The following NLGN1 variants were observed in gnomAD, a reference collection of about 807,000 sequenced individuals.
NLGN1 encodes neuroligin 1.
In NLGN1, 12 loss-of-function variants were observed where a neutral mutation model predicts 65.5. The observed-to-expected ratio is 0.18, with a 90% CI of 0.12 to 0.30. The LOEUF is 0.30. Among genes scored for constraint, NLGN1 ranks in the 10% least tolerant of loss-of-function variants. NLGN1 has a pLI of 1.00. For missense variants in NLGN1, 750 were observed against 1,007.1 expected, an observed-to-expected ratio of 0.74 and a Z score of 3.46; for synonymous variants, 350 against 359.5, an observed-to-expected ratio of 0.97 and a Z score of 0.30.
At chr3:173,643,462 T>C (rs955624364) in intron 3 of NLGN1, among the ~76,000 whole-genome samples, 6 of 152,236 alleles carry the variant, frequency 3.9e-5, no homozygotes, top group African/African-American at 1.2e-4. Context: ...CAGAAGAAGA[T>C]AATAGCAGCA....
At chr3:174,265,494 G>T (rs1025486078) in intron 4 of NLGN1, among the ~76,000 whole-genome samples, 2 of 151,942 alleles carry the variant, frequency 1.3e-5, no homozygotes, top group Middle Eastern at 3.4e-3. Flanking sequence ...ACTCCCTGAC[G>T]CCTTGCGCTT....
intron 2 of NLGN1, among the ~76,000 whole-genome samples, chr3:173,522,853 T>C (rs1051530220): frequency 6.6e-6 from 1 of 152,148 alleles, no homozygotes. Context: ...CTACAGTTTT[T>C]CATATGGGTT....
intron 4 of NLGN1, among the ~76,000 whole-genome samples, chr3:173,985,748 G>A (rs191356573): frequency 1.3e-4 from 20 of 152,118 alleles, no homozygotes; most frequent in South Asian, 1.0e-3. Flanking sequence ...TCAGGAGTTC[G>A]AGACCAGCCT....
intron 4 of NLGN1, among the ~76,000 whole-genome samples, chr3:174,017,169 A>G (rs1301113067): frequency 6.6e-6 from 1 of 152,140 alleles, no homozygotes; most frequent in East Asian, 1.9e-4. Flanking sequence ...ATGTAGTTAA[A>G]CAGATGAAAA....
chr3:173,848,848 A>C (rs1270383524), intron 4 of NLGN1, among the ~76,000 whole-genome samples: 1 of 152,150 alleles, frequency 6.6e-6, no homozygotes, highest in Non-Finnish European at 1.5e-5. Flanking sequence ...ACTATTACAA[A>C]ATTAAATAGG....
At chr3:173,451,743 T>C (rs777380102) in intron 2 of NLGN1, among the ~76,000 whole-genome samples, 1 of 152,204 alleles carries the variant, frequency 6.6e-6, no homozygotes, top group Non-Finnish European at 1.5e-5. Flanking sequence ...GTTTACCTAC[T>C]CAAGCCTGGG....
At chr3:174,099,972 A>T (rs567469340) in intron 4 of NLGN1, among the ~76,000 whole-genome samples, 30 of 152,218 alleles carry the variant, frequency 2.0e-4, no homozygotes, top group South Asian at 6.2e-4. Context: ...ATCTTTAAAG[A>T]CGTGCCTGAG....
In NLGN1 at chr3:174,136,732, T is replaced by C. The variant is rs147029400; in HGVS notation, c.647-138583T>C. ...ACAATGTTAAAAACAGGTAGCTTTA[T>C]TGCAGCACTTATCAGTACCTTGACT... On this transcript the variant is annotated intron_variant, in intron 4 of 6. Transcript: ENST00000457714. 4.5e-3 allele frequency among the ~76,000 whole-genome samples: 684 copies of C among 152,230 alleles called. 4 individuals carry two copies. The highest frequency in any genetic ancestry group is 0.016 in the African/African-American group (658 of 41,562).
intron 2 of NLGN1, among the ~76,000 whole-genome samples, chr3:173,441,614 T>G (rs1049212521): frequency 1.3e-5 from 2 of 152,168 alleles, no homozygotes; most frequent in African/African-American, 4.8e-5. Context: ...GTCAGTTAAG[T>G]CTGCCATCTT....
In NLGN1 at chr3:174,080,425, C is replaced by G. The variant is rs116951495; in HGVS notation, c.647-194890C>G. Among the ~76,000 whole-genome samples, 175 of 152,276 alleles carry G rather than the reference C, an allele frequency of 1.1e-3. 2 individuals carry two copies. In the East Asian group the frequency reaches 0.032, roughly 27 times the overall value. On this transcript the variant is annotated intron_variant, in intron 4 of 6. Coordinates refer to ENST00000457714, the Ensembl canonical transcript of NLGN1. ...AAGTAAAGTACATTTGGAAGAAGGC[C>G]TAGCAGGCGACTTAAGAGATCAAGT... is the stretch of plus-strand genomic sequence containing the variant.
At chr3:174,106,997 C>T (rs1467747504) in intron 4 of NLGN1, among the ~76,000 whole-genome samples, 1 of 110,668 alleles carries the variant, frequency 9.0e-6, no homozygotes, top group South Asian at 3.2e-4. Context: ...CACACACACA[C>T]ACACACACAC....
At chr3:173,640,120 A>G (rs1443937623) in intron 3 of NLGN1, among the ~76,000 whole-genome samples, 1 of 152,178 alleles carries the variant, frequency 6.6e-6, no homozygotes, top group South Asian at 2.1e-4. Flanking sequence ...ATGATGCATA[A>G]TGTACCAAGT....
In NLGN1 at chr3:173,415,943, A is replaced by AGAGCGCGC. The variant is rs141095727; in HGVS notation, c.-390+17457_-390+17458insAGCGCGCG. Reference sequence around the variant, plus strand: ...GGGAGAGAGAGAGAGAGAGAGAGAGAGCTTGGTATAGAGCCTAACACACAA... The same window carrying AGAGCGCGC: ...GGGAGAGAGAGAGAGAGAGAGAGAGAGAGCGCGCGCTTGGTATAGAGCCTAACACACAA... On this transcript the variant is annotated intron_variant, in intron 1 of 6. Coordinates refer to ENST00000457714, the Ensembl canonical transcript of NLGN1. Among the ~76,000 whole-genome samples, 244 of 142,748 alleles carry AGAGCGCGC rather than the reference A, an allele frequency of 1.7e-3. 1 individual carries two copies. The highest frequency in any genetic ancestry group is 0.011 in the Middle Eastern group (3 of 262). The allele number at this position is 142,748 out of a possible 152,430, so 93.6% of individuals were successfully genotyped here.
chr3:174,281,956 A>C (rs1751588994), exon 7 of NLGN1: 1 of 152,340 alleles, frequency 6.6e-6, no homozygotes, highest in South Asian at 2.1e-4. Flanking sequence ...TGTGCTGCTG[A>C]TTAAGCCGTA....
At chr3:173,424,462 C>G (rs952729816) in intron 1 of NLGN1, among the ~76,000 whole-genome samples, 9 of 152,148 alleles carry the variant, frequency 5.9e-5, no homozygotes, top group Non-Finnish European at 1.2e-4. Flanking sequence ...CCCTTTTAAA[C>G]TAAGTTCTAA....
chr3:173,895,707 T>C (rs1468112760), intron 4 of NLGN1, among the ~76,000 whole-genome samples: 1 of 152,030 alleles, frequency 6.6e-6, no homozygotes, highest in African/African-American at 2.4e-5. Context: ...TTTTCTTTTT[T>C]GAGACAAGAG....
intron 4 of NLGN1, among the ~76,000 whole-genome samples, chr3:174,185,311 T>G (rs1731186734): frequency 6.6e-6 from 1 of 152,138 alleles, no homozygotes; most frequent in Non-Finnish European, 1.5e-5. Context: ...ATTGTCTAAA[T>G]CAGCAGTGAC....
At chr3:174,236,235 A>C (rs909021099) in intron 4 of NLGN1, among the ~76,000 whole-genome samples, 1 of 152,170 alleles carries the variant, frequency 6.6e-6, no homozygotes, top group African/African-American at 2.4e-5. Flanking sequence ...GTTCAATACC[A>C]GTATGTTACT....
chr3:174,080,440 A>C (rs1056604779), intron 4 of NLGN1, among the ~76,000 whole-genome samples: 2 of 152,224 alleles, frequency 1.3e-5, no homozygotes, highest in African/African-American at 2.4e-5. Context: ...AGGCGACTTA[A>C]GAGATCAAGT....
Sources: gnomAD v4.1 joint callset for allele counts (sites outside exome capture counted in the v4.1 genomes callset) on GRCh38, gnomAD v4.1.1 for gene constraint, MANE v1.5 for transcripts, NCBI Gene and HGNC (gene_info 2026-07-23, HGNC 2026-07-21) for gene names.